The following GNG13 variants were observed in gnomAD, a reference collection of about 807,000 sequenced individuals.
GNG13 encodes G protein subunit gamma 13, also known as guanine nucleotide-binding protein G(I)/G(S)/G(O) subunit gamma-13.
In GNG13, 12 loss-of-function variants were observed where a neutral mutation model predicts 8.2. That is an observed-to-expected ratio of 1.47 (90% CI 0.94 to 2.38). The LOEUF is 2.38. GNG13 is among the 30% of genes most tolerant of loss of function. The probability of loss-of-function intolerance (pLI) is 0.00; values close to 1 mark genes in which losing one functional copy is unlikely to be tolerated. For missense variants in GNG13, 100 were observed against 85.2 expected (o/e 1.17, Z -0.68); for synonymous variants, 45 against 33.0 (o/e 1.37, Z -1.25).
Position 798,504 on chromosome 16 carries a change from G to A in GNG13, c.*215C>T, listed in dbSNP as rs1319717398. 2.7e-5 allele frequency: 17 copies of A among 633,030 alleles called. No homozygotes were observed. Among genetic ancestry groups the A allele is most frequent in the Non-Finnish European group, 4.9e-5 (17 of 345,640 alleles). The allele number at this position is 633,030 out of a possible 1,614,324, so 39.2% of individuals were successfully genotyped here. A position where few individuals can be genotyped will look rare whatever the true frequency, so the allele number is the denominator to read the frequency against. The stretch of plus-strand genomic sequence containing the variant: ...CACAGGATGGAGTGAATGGGGCTGG[G>A]CATAGTCTTACAAGATGGAGTGAGT... On this transcript the variant is annotated 3_prime_UTR_variant, in exon 3 of 3. Transcript: ENST00000248150.
At position 798,678 on chromosome 16, in the gene GNG13, G is replaced by A. The variant is rs761008065; in HGVS notation, c.*41C>T. 41 of 1,177,656 alleles carry A rather than the reference G, an allele frequency of 3.5e-5. No homozygotes were observed. Among genetic ancestry groups the A allele is most frequent in the African/African-American group, 4.6e-5 (3 of 65,360 alleles). The allele number at this position is 1,177,656 out of a possible 1,614,324, so 73.0% of individuals were successfully genotyped here. ...CAAGATGGTGGGAGTGGGGCCGGGC[G>A]TGGTCTCACAGGATGGTGTGAGAGG... On this transcript the variant is annotated 3_prime_UTR_variant, in exon 3 of 3. Coordinates refer to ENST00000248150, the MANE Select transcript of GNG13 (RefSeq NM_016541.3).
chr16:799,856 G>C (rs1027895386), intron 1 of GNG13, among the ~76,000 whole-genome samples: 1 of 151,906 alleles, frequency 6.6e-6, no homozygotes, highest in Non-Finnish European at 1.5e-5. Flanking sequence ...CAGGGGCCCA[G>C]GGAGTCCCTC....
chr16:798,574 CATGGGCTCACAGGATG>C lies in GNG13; in HGVS notation c.*129_*144del. On this transcript the variant is annotated 3_prime_UTR_variant, in exon 3 of 3. Transcript: ENST00000248150. ...ACAGGTTGGTGTGAGTGGGGCCGGG[CATGGGCTCACAGGATG>C]GTGGGAGTGGGGCTGGGAGTGGGAC... The C allele has an allele frequency of 3.0e-6, 2 of 664,138 alleles. No homozygotes were observed. The highest frequency in any genetic ancestry group is 2.0e-5 in the Admixed American group (1 of 49,474). The allele number at this position is 664,138 out of a possible 1,614,324, so 41.1% of individuals were successfully genotyped here.
chr16:798,934 G>T, intron 2 of GNG13, 46 bp downstream of exon 2: 1 of 1,378,224 alleles, frequency 7.3e-7, no homozygotes, highest in Non-Finnish European at 1.0e-6. Flanking sequence ...AGCAGCCAGC[G>T]CAGGGCAGAC....
intron 1 of GNG13, 140 bp from the exon 2 acceptor site, chr16:799,251 G>C (rs1025186955): frequency 1.6e-6 from 1 of 606,468 alleles, no homozygotes. Flanking sequence ...AGTCCCCTAG[G>C]CGTTGCTAGG....
At position 798,201 on chromosome 16, in the gene GNG13, C is replaced by G. The variant is rs570769307; in HGVS notation, c.*518G>C. The G allele has an allele frequency of 1.6e-6, 1 of 620,606 alleles. No individual in the cohort carries two copies. The highest frequency in any genetic ancestry group is 2.1e-5 in the African/African-American group (1 of 46,690). 38.4% of individuals were successfully genotyped at this position (620,606 alleles called of 1,614,324 possible). A position where few individuals can be genotyped will look rare whatever the true frequency, so the allele number is the denominator to read the frequency against. On this transcript the variant is annotated 3_prime_UTR_variant, in exon 3 of 3. Coordinates refer to ENST00000248150, the MANE Select transcript of GNG13 (RefSeq NM_016541.3). ...GTGGGAGTGGGGCCAGGCGTGGTCT[C>G]ACAGGATAGAGTGAGTGGGGCCGGG...
chr16:798,172 G>T lies in GNG13; in HGVS notation c.*547C>A. On this transcript the variant is annotated 3_prime_UTR_variant, in exon 3 of 3. Coordinates refer to ENST00000248150, the MANE Select transcript of GNG13 (RefSeq NM_016541.3). The stretch of plus-strand genomic sequence containing the variant: ...GTGGGGCCAGGAGTGGGGCTCACAG[G>T]ATGGTGGGAGTGGGGCCAGGCGTGG... The T allele has an allele frequency of 1.3e-6, 1 of 746,206 alleles. No individual in the cohort carries two copies. The highest frequency in any genetic ancestry group is 2.6e-5 in the East Asian group (1 of 39,076). The allele number at this position is 746,206 out of a possible 1,614,324, so 46.2% of individuals were successfully genotyped here. A position where few individuals can be genotyped will look rare whatever the true frequency, so the allele number is the denominator to read the frequency against.
At chr16:800,511 C>T (rs952319960) in intron 1 of GNG13, among the ~76,000 whole-genome samples, 155 bp downstream of exon 1, 15 of 152,236 alleles carry the variant, frequency 9.9e-5, no homozygotes, top group South Asian at 2.1e-4. Flanking sequence ...CGCCTCCCTG[C>T]CTGCAGCACC....
In GNG13 at chr16:798,350, G is replaced by A. The variant is rs2042414704; in HGVS notation, c.*369C>T. On this transcript the variant is annotated 3_prime_UTR_variant, in exon 3 of 3. Coordinates refer to ENST00000248150, the MANE Select transcript of GNG13 (RefSeq NM_016541.3). The stretch of plus-strand genomic sequence containing the variant: ...CTGGGAGTGGGGCTCACAGGATGGA[G>A]TGAGTGGGGCCGGGAGTGGGGCTCA... The A allele has an allele frequency of 2.0e-6, 1 of 496,648 alleles. No homozygotes were observed. The highest frequency in any genetic ancestry group is 3.7e-6 in the Non-Finnish European group (1 of 269,526). 30.8% of individuals were successfully genotyped at this position (496,648 alleles called of 1,614,324 possible). A position where few individuals can be genotyped will look rare whatever the true frequency, so the allele number is the denominator to read the frequency against.
chr16:798,628 G>C lies in GNG13; in HGVS notation c.*91C>G. On this transcript the variant is annotated 3_prime_UTR_variant, in exon 3 of 3. Transcript: ENST00000248150. ...CTGGGAGTGGGACTCACAGGATGGAGTGAGTGGGGCTGGGCACAGTCTTAC... is the reference window on the plus strand; with the variant it reads ...CTGGGAGTGGGACTCACAGGATGGACTGAGTGGGGCTGGGCACAGTCTTAC... 6 of 845,112 alleles carry C rather than the reference G, an allele frequency of 7.1e-6. No homozygotes were observed. Among genetic ancestry groups the C allele is most frequent in the Non-Finnish European group, 1.2e-5 (6 of 488,114 alleles). 52.4% of individuals were successfully genotyped at this position (845,112 alleles called of 1,614,324 possible). A position where few individuals can be genotyped will look rare whatever the true frequency, so the allele number is the denominator to read the frequency against.
At position 798,695 on chromosome 16, in the gene GNG13, T is replaced by C. The variant is rs1306218595; in HGVS notation, c.*24A>G. 1 of 1,393,528 alleles carries C rather than the reference T, an allele frequency of 7.2e-7. No homozygotes were observed. The highest frequency in any genetic ancestry group is 1.0e-6 in the Non-Finnish European group (1 of 984,188). The allele number at this position is 1,393,528 out of a possible 1,614,324, so 86.3% of individuals were successfully genotyped here. On this transcript the variant is annotated 3_prime_UTR_variant, in exon 3 of 3. Coordinates refer to ENST00000248150, the MANE Select transcript of GNG13 (RefSeq NM_016541.3). ...GGCCGGGCGTGGTCTCACAGGATGG[T>C]GTGAGAGGGGCCGGGTGCGGGGCTC...
At position 798,668 on chromosome 16, in the gene GNG13, G is replaced by A. The variant is rs749751865; in HGVS notation, c.*51C>T. 9.1e-7 allele frequency: 1 copy of A among 1,094,490 alleles called. No homozygotes were observed. Among genetic ancestry groups the A allele is most frequent in the Non-Finnish European group, 1.4e-6 (1 of 707,076 alleles). The allele number at this position is 1,094,490 out of a possible 1,614,324, so 67.8% of individuals were successfully genotyped here. ...CACAGTCTTACAAGATGGTGGGAGT[G>A]GGGCCGGGCGTGGTCTCACAGGATG... On this transcript the variant is annotated 3_prime_UTR_variant, in exon 3 of 3. Coordinates refer to ENST00000248150, the MANE Select transcript of GNG13 (RefSeq NM_016541.3).
chr16:800,118 C>T (rs1482981422), intron 1 of GNG13, among the ~76,000 whole-genome samples: 5 of 151,890 alleles, frequency 3.3e-5, no homozygotes, highest in East Asian at 1.9e-4. Flanking sequence ...AGGGTCTGCC[C>T]GTAGTGGGGT....
At position 798,322 on chromosome 16, in the gene GNG13, G is replaced by A. The variant is rs947796040; in HGVS notation, c.*397C>T. 8 of 510,200 alleles carry A rather than the reference G, an allele frequency of 1.6e-5. No individual in the cohort carries two copies. The African/African-American group carries it at 1.6e-4, about 10-fold the overall frequency. The allele number at this position is 510,200 out of a possible 1,614,324, so 31.6% of individuals were successfully genotyped here. ...TGGGGCTCACAGGTTGGTGTGAGTG[G>A]GGCTGGGAGTGGGGCTCACAGGATG... On this transcript the variant is annotated 3_prime_UTR_variant, in exon 3 of 3. Coordinates refer to ENST00000248150, the MANE Select transcript of GNG13 (RefSeq NM_016541.3).
chr16:799,042 CTCTT>C lies in GNG13; in HGVS notation c.32_35del (p.Lys11ArgfsTer24), dbSNP rs746112646. On this transcript the variant is annotated frameshift_variant, in exon 2 of 3. Transcript: ENST00000248150. LOFTEE classifies it high-confidence loss of function. ...CCAGCTGGTACTTGAGGCTCTCCAC[CTCTT>C]TCTTCATCTGTGGCACGTCCCACTC... 5.0e-6 allele frequency: 8 copies of C among 1,611,336 alleles called. No individual in the cohort carries two copies. Among genetic ancestry groups the C allele is most frequent in the East Asian group, 2.2e-5 (1 of 44,868 alleles).
intron 1 of GNG13, among the ~76,000 whole-genome samples, chr16:800,393 G>A (rs1011778633): frequency 6.6e-6 from 1 of 152,158 alleles, no homozygotes; most frequent in African/African-American, 2.4e-5. Context: ...GCCAAGCCTG[G>A]CCACCCACCC....
chr16:798,271 C>T lies in GNG13; in HGVS notation c.*448G>A. ...GTGAATGGGGCCGGGCACAGTCTTA[C>T]AAGATGTTGTGAGTGGGGCCGGGAG... On this transcript the variant is annotated 3_prime_UTR_variant, in exon 3 of 3. Transcript: ENST00000248150. 1.9e-6 allele frequency: 1 copy of T among 522,984 alleles called. No individual in the cohort carries two copies. Among genetic ancestry groups the T allele is most frequent in the East Asian group, 3.5e-5 (1 of 28,624 alleles). The allele number at this position is 522,984 out of a possible 1,614,324, so 32.4% of individuals were successfully genotyped here. A position where few individuals can be genotyped will look rare whatever the true frequency, so the allele number is the denominator to read the frequency against.
intron 1 of GNG13, among the ~76,000 whole-genome samples, 165 bp from the exon 2 acceptor site, chr16:799,276 G>A (rs1002035161): frequency 2.6e-5 from 4 of 152,208 alleles, no homozygotes; most frequent in African/African-American, 9.6e-5. Context: ...AGGGCACAGA[G>A]CGAGTTCCCA....
At chr16:799,247 C>T (rs1453056848) in intron 1 of GNG13, 136 bp from the exon 2 acceptor site, 3 of 606,476 alleles carry the variant, frequency 4.9e-6, no homozygotes, top group African/African-American at 1.8e-5. Context: ...GGCCAGTCCC[C>T]TAGGCGTTGC....
Sources: gnomAD v4.1 joint callset for allele counts (sites outside exome capture counted in the v4.1 genomes callset) on GRCh38, gnomAD v4.1.1 for gene constraint, MANE v1.5 for transcripts, NCBI Gene and HGNC (gene_info 2026-07-23, HGNC 2026-07-21) for gene names.